The following APBB2 variants were observed in gnomAD, a reference collection of about 807,000 sequenced individuals.
APBB2 encodes Fe65-like 1.
A neutral mutation model predicts 82.5 loss-of-function variants in APBB2; 38 were observed. The observed-to-expected ratio is 0.46, with a 90% CI of 0.36 to 0.60. APBB2 has a LOEUF of 0.60. Among genes scored for constraint, APBB2 ranks in the 20% least tolerant of loss-of-function variants. The probability of loss-of-function intolerance (pLI) is 0.00; values close to 1 mark genes in which losing one functional copy is unlikely to be tolerated. For synonymous variants in APBB2, 341 were observed against 368.2 expected, an observed-to-expected ratio of 0.93 and a Z score of 0.85; for missense variants, 772 against 972.3, an observed-to-expected ratio of 0.79 and a Z score of 2.74.
chr4:41,199,116 A>G (rs113719313), intron 1 of APBB2, among the ~76,000 whole-genome samples: 76 of 152,332 alleles, frequency 5.0e-4, no homozygotes, highest in African/African-American at 1.8e-3. Context: ...ATAAGGTTAC[A>G]TTTGCAGATA....
At chr4:41,034,496 T>A (rs1258711106) in intron 4 of APBB2, among the ~76,000 whole-genome samples, 2 of 152,198 alleles carry the variant, frequency 1.3e-5, no homozygotes, top group African/African-American at 4.8e-5. Flanking sequence ...AACTAATTTT[T>A]GTATTTTTAG....
chr4:40,879,729 T>C lies in APBB2; in HGVS notation c.1529+10635A>G, dbSNP rs558817449. The stretch of plus-strand genomic sequence containing the variant: ...TTTTTTGAGATGGAGTCTCACTCTG[T>C]AGCCCAGGCTGGAGTGCAATGGCAC... On this transcript the variant is annotated intron_variant, in intron 12 of 17. Coordinates refer to ENST00000508593, the MANE Select transcript of APBB2 (RefSeq NM_004307.2). Among the ~76,000 whole-genome samples, 73 of 151,904 alleles carry C rather than the reference T, an allele frequency of 4.8e-4. No individual in the cohort carries two copies. In the Middle Eastern group the frequency reaches 0.02, roughly 42 times the overall value.
intron 6 of APBB2, among the ~76,000 whole-genome samples, chr4:40,974,661 G>T (rs1301729744): frequency 6.6e-6 from 1 of 152,162 alleles, no homozygotes; most frequent in East Asian, 1.9e-4. Context: ...ATATCTCCAT[G>T]AAGATCTGTC....
intron 4 of APBB2, among the ~76,000 whole-genome samples, chr4:41,048,967 C>CA (rs1724541328): frequency 6.6e-6 from 1 of 152,162 alleles, no homozygotes. Flanking sequence ...ACTCAGTGCT[C>CA]AATGTTACCC....
intron 3 of APBB2, among the ~76,000 whole-genome samples, chr4:41,087,291 C>T (rs986774065): frequency 2.0e-5 from 3 of 152,134 alleles, no homozygotes; most frequent in South Asian, 2.1e-4. Context: ...TCTGTAGAAA[C>T]GGAAAAATCA....
At chr4:40,903,156 A>C (rs962873645) in intron 10 of APBB2, among the ~76,000 whole-genome samples, 1 of 152,076 alleles carries the variant, frequency 6.6e-6, no homozygotes, top group Non-Finnish European at 1.5e-5. Context: ...CTCTAAAAAA[A>C]ACAGTAATAA....
Position 40,878,066 on chromosome 4 carries a change from G to T in APBB2, c.1529+12298C>A, listed in dbSNP as rs939558530. On this transcript the variant is annotated intron_variant, in intron 12 of 17. Transcript: ENST00000508593. ...GGCTGAGCATTAGAGAAGCAATCAGGCCGGACTCGGTGGCTCACGCCTGTA... is the reference window on the plus strand; with the variant it reads ...GGCTGAGCATTAGAGAAGCAATCAGTCCGGACTCGGTGGCTCACGCCTGTA... Among the ~76,000 whole-genome samples, 4 of 148,490 alleles carry T rather than the reference G, an allele frequency of 2.7e-5. No homozygotes were observed. The East Asian group carries it at 7.7e-4, about 29-fold the overall frequency.
At chr4:40,823,856 C>A in intron 15 of APBB2, 97 bp from the exon 16 acceptor site, 1 of 736,698 alleles carries the variant, frequency 1.4e-6, no homozygotes, top group Non-Finnish European at 2.4e-6. Flanking sequence ...CCAGACTGAT[C>A]TTTTTTTAAT....
chr4:40,895,528 C>T lies in APBB2; in HGVS notation c.1255-2117G>A, dbSNP rs77185610. On this transcript the variant is annotated intron_variant, in intron 10 of 17. Transcript: ENST00000508593. ...GCCTGCCCCTCCGCAGCTCTGCTCC[C>T]TCAGTCTCAGACCAAAGTGTGTTTC... 3.9e-5 allele frequency among the ~76,000 whole-genome samples: 6 copies of T among 152,304 alleles called. No homozygotes were observed. The East Asian group carries it at 1.2e-3, about 29-fold the overall frequency.
intron 2 of APBB2, among the ~76,000 whole-genome samples, chr4:41,131,673 A>G (rs1404146578): frequency 6.6e-6 from 1 of 152,230 alleles, no homozygotes; most frequent in Non-Finnish European, 1.5e-5. Context: ...GGTATTTAAC[A>G]AACCATTTTA....
At chr4:40,908,577 GTGCACCCAGTAGCTACACCCGGCT>G (rs1466965408) in intron 10 of APBB2, among the ~76,000 whole-genome samples, 1 of 152,048 alleles carries the variant, frequency 6.6e-6, no homozygotes, top group East Asian at 1.9e-4. Context: ...ACAATCTTGG[GTGCACCCAGTAGCTACACCCGGCT>G]GGCACCGGAG....
chr4:41,174,349 G>A (rs948571999), intron 1 of APBB2, among the ~76,000 whole-genome samples: 1 of 152,000 alleles, frequency 6.6e-6, no homozygotes, highest in Non-Finnish European at 1.5e-5. Context: ...CTATAAACCT[G>A]CTCCCCAGAA....
At position 40,934,596 on chromosome 4, in the gene APBB2, A is replaced by G; in HGVS notation, c.1193+18T>C. On this transcript the variant is annotated intron_variant, in intron 9 of 17. Transcript: ENST00000508593. ...AAAGCCATACATTGACAGCAGGTCG[A>G]TCCTACTAATGTCCTACCTGAGTTT... 1.2e-6 allele frequency: 2 copies of G among 1,611,746 alleles called. No homozygotes were observed. The highest frequency in any genetic ancestry group is 1.7e-6 in the Non-Finnish European group (2 of 1,177,802).
At chr4:40,951,003 T>A (rs940421793) in intron 6 of APBB2, among the ~76,000 whole-genome samples, 1 of 152,166 alleles carries the variant, frequency 6.6e-6, no homozygotes, top group Non-Finnish European at 1.5e-5. Flanking sequence ...ATATTAAGTG[T>A]CCATGCCAAG....
At chr4:41,104,273 C>G (rs908783931) in intron 2 of APBB2, among the ~76,000 whole-genome samples, 2 of 152,154 alleles carry the variant, frequency 1.3e-5, no homozygotes, top group Non-Finnish European at 2.9e-5. Context: ...ACAAAACTGA[C>G]TTTAAATACT....
chr4:41,178,009 G>A (rs1297331648), intron 1 of APBB2, among the ~76,000 whole-genome samples: 1 of 152,138 alleles, frequency 6.6e-6, no homozygotes, highest in African/African-American at 2.4e-5. Flanking sequence ...TATATATGAA[G>A]CACTAAGTAC....
chr4:40,900,970 C>T (rs1034499062), intron 10 of APBB2, among the ~76,000 whole-genome samples: 1 of 152,128 alleles, frequency 6.6e-6, no homozygotes. Flanking sequence ...AGGGCATATT[C>T]GTTTGGCTGC....
chr4:40,837,516 C>T (rs1274030274), intron 12 of APBB2, among the ~76,000 whole-genome samples: 1 of 152,208 alleles, frequency 6.6e-6, no homozygotes, highest in Non-Finnish European at 1.5e-5. Context: ...GAAAGAACAT[C>T]ACTCCCAGTT....
intron 6 of APBB2, among the ~76,000 whole-genome samples, chr4:40,997,994 G>C (rs1411991577): frequency 6.6e-6 from 1 of 152,196 alleles, no homozygotes; most frequent in African/African-American, 2.4e-5. Flanking sequence ...TTACGTGAAA[G>C]AACAACTGAC....
Sources: allele counts gnomAD v4.1 joint callset (sites outside exome capture counted in the v4.1 genomes callset), GRCh38; gene constraint gnomAD v4.1.1; transcripts MANE v1.5; gene names NCBI Gene and HGNC (gene_info 2026-07-23, HGNC 2026-07-21).